The following FRMPD4 variants were observed in gnomAD, a reference collection of about 807,000 sequenced individuals.
FRMPD4 encodes FERM and PDZ domain containing 4.
In FRMPD4, 22 loss-of-function variants were observed where a neutral mutation model predicts 94.1. That is an observed-to-expected ratio of 0.23 (90% CI 0.17 to 0.33). FRMPD4 has a LOEUF of 0.33. Among genes scored for constraint, FRMPD4 ranks in the 10% least tolerant of loss-of-function variants. The pLI is 1.00. For synonymous variants in FRMPD4, 631 were observed against 548.6 expected, an observed-to-expected ratio of 1.15 and a Z score of -2.10; for missense variants, 1,111 against 1,339.9, an observed-to-expected ratio of 0.83 and a Z score of 2.67.
At position 12,619,230 on chromosome X, in the gene FRMPD4, C is replaced by T. The variant is rs187608277; in HGVS notation, c.422+4349C>T. ...GGCTATTTATCTACAGAGGGTTGCT[C>T]ACATCTGTCAGACATGTCACCCCTT... On this transcript the variant is annotated intron_variant, in intron 4 of 16. Coordinates refer to ENST00000675598, the MANE Select transcript of FRMPD4 (RefSeq NM_001368397.1). Among the ~76,000 whole-genome samples, 8 of 112,036 alleles carry T rather than the reference C, an allele frequency of 7.1e-5. No individual in the cohort carries two copies. In the East Asian group the frequency reaches 2.2e-3, roughly 31 times the overall value.
intron 2 of FRMPD4, among the ~76,000 whole-genome samples, chrX:12,601,868 A>T (rs1290435037): frequency 9.0e-6 from 1 of 111,253 alleles, no homozygotes; most frequent in Admixed American, 9.6e-5. Flanking sequence ...CTTCTCCTGA[A>T]GTTGCTGCCA....
intron 1 of FRMPD4, among the ~76,000 whole-genome samples, chrX:12,419,417 T>C (rs918675275): frequency 8.9e-6 from 1 of 112,611 alleles, no homozygotes; most frequent in Non-Finnish European, 1.9e-5. Context: ...TTTTGGAAAA[T>C]ATGGTTATGT....
At chrX:12,204,495 T>C (rs747259592) in intron 1 of FRMPD4, among the ~76,000 whole-genome samples, 2 of 111,477 alleles carry the variant, frequency 1.8e-5, no homozygotes, top group South Asian at 7.6e-4. Flanking sequence ...CTCCCCCAGC[T>C]TCCCAATTCA....
chrX:12,351,328 C>T (rs1343367001), intron 1 of FRMPD4, among the ~76,000 whole-genome samples: 1 of 110,802 alleles, frequency 9.0e-6, no homozygotes, highest in Non-Finnish European at 1.9e-5. Flanking sequence ...CCCTGCCCCC[C>T]CATTAAAAAT....
intron 1 of FRMPD4, among the ~76,000 whole-genome samples, chrX:12,425,151 G>A (rs947075525): frequency 1.8e-5 from 2 of 112,351 alleles, no homozygotes; most frequent in Non-Finnish European, 3.8e-5. Flanking sequence ...GCTTATACTC[G>A]TGCTTAATTT....
intron 4 of FRMPD4, among the ~76,000 whole-genome samples, chrX:12,667,269 C>T (rs1246321184): frequency 8.9e-6 from 1 of 112,195 alleles, no homozygotes; most frequent in Non-Finnish European, 1.9e-5. Flanking sequence ...CTTGTTTAGA[C>T]TTAATGTTTC....
chrX:12,400,673 G>A (rs766655975), intron 1 of FRMPD4, among the ~76,000 whole-genome samples: 1 of 112,176 alleles, frequency 8.9e-6, no homozygotes, highest in East Asian at 2.8e-4. Flanking sequence ...TCAATTTGAT[G>A]TCTAGCTTGG....
At chrX:12,338,905 A>G (rs1718999272) in intron 1 of FRMPD4, among the ~76,000 whole-genome samples, 1 of 112,489 alleles carries the variant, frequency 8.9e-6, no homozygotes, top group South Asian at 3.7e-4. Flanking sequence ...TGGATTTTGA[A>G]GGGTAAGTGG....
intron 2 of FRMPD4, among the ~76,000 whole-genome samples, chrX:12,581,277 G>A (rs770369685): frequency 8.9e-6 from 1 of 112,176 alleles, no homozygotes; most frequent in Non-Finnish European, 1.9e-5. Flanking sequence ...GGCATATAAA[G>A]AAACAGGAAA....
chrX:12,497,371 T>TG (rs772641769), intron 1 of FRMPD4, among the ~76,000 whole-genome samples: 3 of 110,044 alleles, frequency 2.7e-5, no homozygotes, highest in Non-Finnish European at 5.7e-5. Flanking sequence ...GAGAAATTGG[T>TG]GGGTTTTTTT....
intron 3 of FRMPD4, among the ~76,000 whole-genome samples, chrX:11,993,201 A>G (rs753355012): frequency 9.0e-6 from 1 of 110,827 alleles, no homozygotes; most frequent in Non-Finnish European, 1.9e-5. Flanking sequence ...CTACATCCCT[A>G]TATTAAGCAT....
intron 5 of FRMPD4, among the ~76,000 whole-genome samples, chrX:12,682,969 G>A (rs1012731785): frequency 8.9e-6 from 1 of 112,087 alleles, no homozygotes; most frequent in Non-Finnish European, 1.9e-5. Context: ...GTGCTTGAGA[G>A]AGAAAGAGAG....
intron 1 of FRMPD4, among the ~76,000 whole-genome samples, chrX:12,471,957 A>G (rs1389879373): frequency 4.5e-5 from 5 of 112,226 alleles, no homozygotes; most frequent in African/African-American, 1.6e-4. Context: ...ATTGAGAACA[A>G]TAACTCAATC....
intron 1 of FRMPD4, among the ~76,000 whole-genome samples, chrX:11,852,823 C>T (rs5979480): frequency 9.0e-6 from 1 of 111,198 alleles, no homozygotes; most frequent in African/African-American, 3.3e-5. Context: ...ACTTTAACAC[C>T]CCACTGAGAA....
In FRMPD4 at chrX:12,285,124, C is replaced by T. The variant is rs771820034; in HGVS notation, c.41+146112C>T. The stretch of plus-strand genomic sequence containing the variant: ...TTTCTACCTCCATCCCCATTCAAAT[C>T]ATTAATAGAAATATTGAAGGGAAGA... On this transcript the variant is annotated intron_variant, in intron 1 of 16. Coordinates refer to ENST00000675598, the MANE Select transcript of FRMPD4 (RefSeq NM_001368397.1). Among the ~76,000 whole-genome samples, 75 of 111,538 alleles carry T rather than the reference C, an allele frequency of 6.7e-4. 1 individual carries two copies. Among genetic ancestry groups the T allele is most frequent in the African/African-American group, 2.3e-3 (70 of 30,687 alleles).
chrX:11,845,605 A>T (rs1424820562), intron 1 of FRMPD4, among the ~76,000 whole-genome samples: 2 of 108,655 alleles, frequency 1.8e-5, no homozygotes, highest in African/African-American at 6.7e-5. Flanking sequence ...AATATCCTTG[A>T]TGAACATTGA....
At chrX:12,318,120 T>C in intron 1 of FRMPD4, among the ~76,000 whole-genome samples, 1 of 112,721 alleles carries the variant, frequency 8.9e-6, no homozygotes, top group Non-Finnish European at 1.9e-5. Flanking sequence ...TATTCAGCCA[T>C]ATAAAAAGAA....
At chrX:12,540,487 A>C (rs759363815) in intron 2 of FRMPD4, among the ~76,000 whole-genome samples, 1 of 111,912 alleles carries the variant, frequency 8.9e-6, no homozygotes, top group Non-Finnish European at 1.9e-5. Flanking sequence ...TCAAAAGAGA[A>C]AAAGCAGGCC....
intron 2 of FRMPD4, among the ~76,000 whole-genome samples, chrX:12,501,952 G>A (rs1453620338): frequency 9.0e-6 from 1 of 111,721 alleles, no homozygotes; most frequent in Non-Finnish European, 1.9e-5. Flanking sequence ...ACTGATTCAC[G>A]GGGTTAAATG....
Sources: gnomAD v4.1 joint callset for allele counts (sites outside exome capture counted in the v4.1 genomes callset) on GRCh38, gnomAD v4.1.1 for gene constraint, MANE v1.5 for transcripts, NCBI Gene and HGNC (gene_info 2026-07-23, HGNC 2026-07-21) for gene names.